Variants in TP53AIP1 observed in about 807,000 individuals in gnomAD.
TP53AIP1 encodes the protein tumor protein p53 regulated apoptosis inducing protein 1.
Under a neutral mutation model 9.5 loss-of-function variants are expected in TP53AIP1, and 14 were observed. That is an observed-to-expected ratio of 1.47 (90% CI 0.97 to 2.30). The LOEUF is 2.30. Ranked by LOEUF, TP53AIP1 falls within the 30% of genes most tolerant of loss-of-function variation. The probability of loss-of-function intolerance (pLI) is 0.00; values close to 1 mark genes in which losing one functional copy is unlikely to be tolerated. For missense variants in TP53AIP1, 153 were observed against 146.7 expected (o/e 1.04, Z -0.22); for synonymous variants, 73 against 61.2 (o/e 1.19, Z -0.90).
chr11:128,937,959 A>G lies in TP53AIP1; in HGVS notation c.-76-65T>C. 3 of 914,838 alleles carry G rather than the reference A, an allele frequency of 3.3e-6. No individual in the cohort carries two copies. The highest frequency in any genetic ancestry group is 4.8e-6 in the Non-Finnish European group (3 of 621,424). 56.7% of individuals were successfully genotyped at this position (914,838 alleles called of 1,614,324 possible). On this transcript the variant is annotated intron_variant, in intron 1 of 3. Transcript: ENST00000531399. The surrounding 1 kb of genome is among the most constrained non-coding windows in gnomAD (Gnocchi z 4.8). Reference sequence around the variant, plus strand: ...TGGCAGCGCTGGGCCAGCAATGATGATTTCTACTGTTAGGGTTTCAGTTGT... The same window carrying G: ...TGGCAGCGCTGGGCCAGCAATGATGGTTTCTACTGTTAGGGTTTCAGTTGT...
intron 1 of TP53AIP1, among the ~76,000 whole-genome samples, chr11:128,941,365 C>T (rs1407276542): frequency 1.3e-5 from 2 of 152,220 alleles, no homozygotes; most frequent in African/African-American, 4.8e-5. Flanking sequence ...CTAACCTCCT[C>T]CCAGCTGGGT....
chr11:128,939,423 G>C lies in TP53AIP1; in HGVS notation c.-76-1529C>G, dbSNP rs977040834. 2.0e-5 allele frequency among the ~76,000 whole-genome samples: 3 copies of C among 152,196 alleles called. No homozygotes were observed. Among genetic ancestry groups the C allele is most frequent in the Non-Finnish European group, 2.9e-5 (2 of 68,032 alleles). ...AGAAGGTCACCATGTGGCCTGCTGG[G>C]GTCTGCAGGATAGAAGGCGTGAGGT... On this transcript the variant is annotated intron_variant, in intron 1 of 3. Coordinates refer to ENST00000531399, the MANE Select transcript of TP53AIP1 (RefSeq NM_022112.3). This position sits in a 1 kb window ranked among gnomAD's most constrained non-coding sequence, Gnocchi z 4.1.
chr11:128,942,493 G>A (rs983845612), intron 1 of TP53AIP1, among the ~76,000 whole-genome samples: 5 of 152,214 alleles, frequency 3.3e-5, no homozygotes, highest in Admixed American at 1.3e-4. Context: ...GCATCGCCCA[G>A]GAACCTGTTA....
Position 128,937,020 on chromosome 11 carries a change from C to T in TP53AIP1, c.142-371G>A, listed in dbSNP as rs943659586. On this transcript the variant is annotated intron_variant, in intron 2 of 3. Coordinates refer to ENST00000531399, the MANE Select transcript of TP53AIP1 (RefSeq NM_022112.3). This position sits in a 1 kb window ranked among gnomAD's most constrained non-coding sequence, Gnocchi z 4.8. ...CTTCTGGGGAGAGAAGTGTGGGCCT[C>T]CAGGGAGGTGTAGGCGCTCCTGGCT... is the stretch of plus-strand genomic sequence containing the variant. 6.0e-5 allele frequency: 64 copies of T among 1,064,452 alleles called. No individual in the cohort carries two copies. The highest frequency in any genetic ancestry group is 9.7e-5 in the Admixed American group (2 of 20,588). The allele number at this position is 1,064,452 out of a possible 1,614,324, so 65.9% of individuals were successfully genotyped here.
chr11:128,935,967 A>G lies in TP53AIP1; in HGVS notation c.254-255T>C, dbSNP rs191041758. The G allele has an allele frequency of 6.6e-5, 75 of 1,143,872 alleles. No individual in the cohort carries two copies. The Admixed American group carries it at 2.2e-3, about 33-fold the overall frequency. The allele number at this position is 1,143,872 out of a possible 1,614,324, so 70.9% of individuals were successfully genotyped here. Reference sequence around the variant, plus strand: ...AAAATATGCTAATGATAACAGTAAGATATGTAGGACATACTACGTACAGGT... The same window carrying G: ...AAAATATGCTAATGATAACAGTAAGGTATGTAGGACATACTACGTACAGGT... On this transcript the variant is annotated intron_variant, in intron 3 of 3. Coordinates refer to ENST00000531399, the MANE Select transcript of TP53AIP1 (RefSeq NM_022112.3).
downstream of TP53AIP1, chr11:128,935,086 T>C: frequency 1.4e-6 from 1 of 705,766 alleles, no homozygotes; most frequent in South Asian, 1.5e-5. Context: ...ATGCCGGGGC[T>C]TGTGGTAGGA....
intron 1 of TP53AIP1, among the ~76,000 whole-genome samples, chr11:128,941,754 C>G (rs551206266): frequency 6.6e-6 from 1 of 152,376 alleles, no homozygotes; most frequent in Admixed American, 6.5e-5. Flanking sequence ...CCAGCCCGTG[C>G]TTCCTTGTAC....
At chr11:128,936,499 G>A (rs552146518) in intron 3 of TP53AIP1, 39 bp downstream of exon 3, 59 of 1,513,772 alleles carry the variant, frequency 3.9e-5, no homozygotes, top group Middle Eastern at 1.7e-4. Flanking sequence ...ATTCTATCAC[G>A]GCCCACACCC....
chr11:128,936,164 C>T (rs954850439), intron 3 of TP53AIP1: 137 of 1,041,202 alleles, frequency 1.3e-4, no homozygotes, highest in Non-Finnish European at 1.5e-4. Context: ...ACCCAGACCC[C>T]GCAGCCTGGC....
downstream of TP53AIP1, chr11:128,935,114 A>T (rs1374379865): frequency 2.8e-6 from 2 of 712,086 alleles, no homozygotes; most frequent in Non-Finnish European, 5.1e-6. Flanking sequence ...AGCAGGAATG[A>T]CTGTCCACTG....
In TP53AIP1 at chr11:128,937,366, A is replaced by T; in HGVS notation, c.141+312T>A. 7.0e-7 allele frequency: 1 copy of T among 1,422,046 alleles called. No individual in the cohort carries two copies. The highest frequency in any genetic ancestry group is 9.2e-7 in the Non-Finnish European group (1 of 1,091,928). The allele number at this position is 1,422,046 out of a possible 1,614,324, so 88.1% of individuals were successfully genotyped here. A position where few individuals can be genotyped will look rare whatever the true frequency, so the allele number is the denominator to read the frequency against. On this transcript the variant is annotated intron_variant, in intron 2 of 3. Transcript: ENST00000531399. This position sits in a 1 kb window ranked among gnomAD's most constrained non-coding sequence, Gnocchi z 4.8. The stretch of plus-strand genomic sequence containing the variant: ...TCTCCATTTAGCTCTCACTTTCTGG[A>T]TGCAGCCAGGCACCACCTTCCTTCC...
chr11:128,936,698 G>A (rs1200084671), intron 2 of TP53AIP1, 49 bp from the exon 3 acceptor site: 1 of 1,530,872 alleles, frequency 6.5e-7, no homozygotes. Context: ...GCCGTCTCTT[G>A]GATGGTTTAT....
chr11:128,935,989 A>G (rs1944816282), intron 3 of TP53AIP1: 1 of 991,648 alleles, frequency 1.0e-6, no homozygotes, highest in East Asian at 5.1e-5. Flanking sequence ...TACTACGTAC[A>G]GGTGCTGTTC....
rs892747499 is a variant in TP53AIP1 at position 128,936,343 on chromosome 11, T to C, written c.253+195A>G. On this transcript the variant is annotated intron_variant, in intron 3 of 3. Transcript: ENST00000531399. The stretch of plus-strand genomic sequence containing the variant: ...AGTGTACCGTTACCTTTTATTTTAA[T>C]TTGAGAAATTAAATAAAATACATCC... 3 of 1,380,294 alleles carry C rather than the reference T, an allele frequency of 2.2e-6. No individual in the cohort carries two copies. In the Admixed American group the frequency reaches 1.0e-4, roughly 47 times the overall value. 85.5% of individuals were successfully genotyped at this position (1,380,294 alleles called of 1,614,324 possible). A position where few individuals can be genotyped will look rare whatever the true frequency, so the allele number is the denominator to read the frequency against.
chr11:128,938,601 G>A (rs1944881123), intron 1 of TP53AIP1, among the ~76,000 whole-genome samples: 1 of 152,092 alleles, frequency 6.6e-6, no homozygotes, highest in Non-Finnish European at 1.5e-5. Flanking sequence ...AGTCTTCCCC[G>A]TCCCTGTTCT....
intron 1 of TP53AIP1, among the ~76,000 whole-genome samples, chr11:128,940,302 G>A (rs555870035): frequency 7.2e-5 from 11 of 152,238 alleles, no homozygotes; most frequent in South Asian, 2.1e-4. Context: ...TTTTGGCCCC[G>A]TCTCTGAGGC....
Position 128,937,527 on chromosome 11 carries a change from G to A in TP53AIP1, c.141+151C>T. The A allele has an allele frequency of 6.2e-7, 1 of 1,612,048 alleles. No homozygotes were observed. Among genetic ancestry groups the A allele is most frequent in the Non-Finnish European group, 8.5e-7 (1 of 1,178,942 alleles). ...GCTCTGTCCAATGCTCTGAACTGGG[G>A]ACAGTCCGCATGCAGCTCTGAGGAC... On this transcript the variant is annotated intron_variant, in intron 2 of 3. Coordinates refer to ENST00000531399, the MANE Select transcript of TP53AIP1 (RefSeq NM_022112.3). This position sits in a 1 kb window ranked among gnomAD's most constrained non-coding sequence, Gnocchi z 4.8.
downstream of TP53AIP1, chr11:128,934,915 C>T (rs765437568): frequency 2.3e-5 from 16 of 692,770 alleles, no homozygotes; most frequent in Non-Finnish European, 3.2e-5. Flanking sequence ...CTGCAGCCCA[C>T]CCAGGGAAGC....
In TP53AIP1 at chr11:128,937,906, C is replaced by A; in HGVS notation, c.-76-12G>T. ...CAGTCCCTAAGGGACTAAAAACAAA[C>A]AAAACAGGCTATGAACAGAAGCAGT... On this transcript the variant is annotated splice_polypyrimidine_tract_variant and intron_variant, in intron 1 of 3. Coordinates refer to ENST00000531399, the MANE Select transcript of TP53AIP1 (RefSeq NM_022112.3). The surrounding 1 kb of genome is among the most constrained non-coding windows in gnomAD (Gnocchi z 4.8). 1 of 1,378,382 alleles carries A rather than the reference C, an allele frequency of 7.3e-7. No homozygotes were observed. Among genetic ancestry groups the A allele is most frequent in the Non-Finnish European group, 9.8e-7 (1 of 1,023,432 alleles). The allele number at this position is 1,378,382 out of a possible 1,614,324, so 85.4% of individuals were successfully genotyped here.
Sources: gnomAD v4.1 joint callset for allele counts (sites outside exome capture counted in the v4.1 genomes callset) on GRCh38, gnomAD v4.1.1 for gene constraint, Gnocchi (gnomAD v3.1) non-coding constraint, MANE v1.5 for transcripts, NCBI Gene and HGNC (gene_info 2026-07-23, HGNC 2026-07-21) for gene names.